The following MRPS21 variants were observed in gnomAD, a reference collection of about 807,000 sequenced individuals.
MRPS21 encodes the protein small ribosomal subunit protein bS21m.
In MRPS21, 8 loss-of-function variants were observed where a neutral mutation model predicts 9.9. The ratio of observed to expected loss-of-function variants is 0.81; its 90% CI spans 0.47 to 1.45. MRPS21 has a LOEUF of 1.45. Ranked by LOEUF, MRPS21 falls within the 40% of genes most tolerant of loss-of-function variation. The pLI, the probability that MRPS21 is intolerant of heterozygous loss-of-function variation, is 0.00. For missense variants in MRPS21, 101 were observed against 118.9 expected (o/e 0.85, Z 0.70); for synonymous variants, 40 against 40.3 (o/e 0.99, Z 0.03).
chr1:150,297,303 G>GAA (rs1200334247), intron 2 of MRPS21, among the ~76,000 whole-genome samples: 1 of 150,392 alleles, frequency 6.6e-6, no homozygotes, highest in Admixed American at 6.6e-5. Context: ...AAAAAAAAAA[G>GAA]AAAAAATGCT....
chr1:150,299,971 G>A (rs1337878354), intron 2 of MRPS21, among the ~76,000 whole-genome samples: 2 of 152,100 alleles, frequency 1.3e-5, no homozygotes, highest in Non-Finnish European at 2.9e-5. Flanking sequence ...AGAATCTCCA[G>A]GGGTTGCAAC....
chr1:150,295,350 C>T (rs944033312), intron 2 of MRPS21, among the ~76,000 whole-genome samples: 1 of 152,152 alleles, frequency 6.6e-6, no homozygotes, highest in Non-Finnish European at 1.5e-5. Flanking sequence ...AATCCTCCTG[C>T]CTCAGTCTCC....
Position 150,308,145 on chromosome 1 carries a change from C to G in MRPS21, c.181C>G (p.Arg61Gly). The change falls in exon 3 of 3, where the codon CGG (arginine) becomes GGG (glycine). Residue 61 changes from arginine (R) to glycine (G), a missense_variant. Physicochemically the swap from Arg to Gly is moderately radical, Grantham distance 125. Transcript: ENST00000614145. Reference sequence around the variant, plus strand: ...ACAGAGGGAAAGCTATGAAAGGTGCCGGCGGATCTACAACATGGAAATGGC... The same window carrying G: ...ACAGAGGGAAAGCTATGAAAGGTGCGGGCGGATCTACAACATGGAAATGGC... ...RRQRESYERC[R>G]RIYNMEMARK... The G allele has an allele frequency of 1.9e-6, 3 of 1,610,160 alleles. No homozygotes were observed. The highest frequency in any genetic ancestry group is 1.7e-6 in the Non-Finnish European group (2 of 1,176,666).
intron 2 of MRPS21, among the ~76,000 whole-genome samples, chr1:150,297,909 A>G (rs1420544275): frequency 1.3e-5 from 2 of 149,420 alleles, no homozygotes; most frequent in Non-Finnish European, 3.0e-5. Flanking sequence ...CTCTGGCCCT[A>G]CTTTGCTATC....
intron 2 of MRPS21, among the ~76,000 whole-genome samples, chr1:150,298,934 G>A (rs587713978): frequency 2.0e-5 from 3 of 152,266 alleles, no homozygotes; most frequent in Non-Finnish European, 2.9e-5. Context: ...AGAGAGTAGC[G>A]GCTGGGTGCA....
Position 150,308,323 on chromosome 1 carries a change from C to A in MRPS21, c.*95C>A. On this transcript the variant is annotated 3_prime_UTR_variant, in exon 3 of 3. Coordinates refer to ENST00000614145, the MANE Select transcript of MRPS21 (RefSeq NM_031901.6). ...TCCCATTTCCTATTACCATTCTCTG[C>A]AATAAACTCAAATCACATGTCTGCA... 2 of 1,280,984 alleles carry A rather than the reference C, an allele frequency of 1.6e-6. No individual in the cohort carries two copies. Among genetic ancestry groups the A allele is most frequent in the Non-Finnish European group, 2.1e-6 (2 of 941,708 alleles). The allele number at this position is 1,280,984 out of a possible 1,614,324, so 79.4% of individuals were successfully genotyped here.
At chr1:150,296,038 G>A (rs11811885) in intron 2 of MRPS21, among the ~76,000 whole-genome samples, 64,210 of 150,300 alleles carry the variant, frequency 0.43, 14,117 homozygotes, top group East Asian at 0.7. Flanking sequence ...TGCAGCCTCC[G>A]CCTCCTGGGT....
At chr1:150,302,597 T>G (rs185167998) in intron 2 of MRPS21, among the ~76,000 whole-genome samples, 2 of 152,290 alleles carry the variant, frequency 1.3e-5, no homozygotes, top group Admixed American at 1.3e-4. Context: ...TGAATTTCAC[T>G]AAAACTGGCA....
chr1:150,295,805 A>G (rs1210127128), intron 2 of MRPS21, among the ~76,000 whole-genome samples: 1 of 151,934 alleles, frequency 6.6e-6, no homozygotes, highest in African/African-American at 2.4e-5. Context: ...AAAAAGAAAG[A>G]TGGGAAAGCT....
chr1:150,297,105 C>CA (rs1312510239), intron 2 of MRPS21, among the ~76,000 whole-genome samples: 1 of 150,966 alleles, frequency 6.6e-6, no homozygotes, highest in African/African-American at 2.4e-5. Flanking sequence ...TCCTGGCTAA[C>CA]ACGGTGAAAC....
chr1:150,301,634 T>TA (rs1176905564), intron 2 of MRPS21, among the ~76,000 whole-genome samples: 1 of 151,480 alleles, frequency 6.6e-6, no homozygotes, highest in Non-Finnish European at 1.5e-5. Context: ...CTTTTTTTTT[T>TA]AATACGGAGT....
chr1:150,294,584 C>T lies in MRPS21; in HGVS notation c.83+135C>T, dbSNP rs1159352172. The stretch of plus-strand genomic sequence containing the variant: ...TCACAGTCTCTTAAAACGTCTCAGC[C>T]CCTCAGTTTATTATCTTAAAAATGA... On this transcript the variant is annotated intron_variant, in intron 2 of 2. Coordinates refer to ENST00000614145, the MANE Select transcript of MRPS21 (RefSeq NM_031901.6). The T allele has an allele frequency of 8.1e-6, 6 of 744,428 alleles. No homozygotes were observed. In the African/African-American group the frequency reaches 8.9e-5, roughly 11 times the overall value. 46.1% of individuals were successfully genotyped at this position (744,428 alleles called of 1,614,324 possible).
At chr1:150,306,417 C>T (rs1654333527) in intron 2 of MRPS21, among the ~76,000 whole-genome samples, 1 of 151,596 alleles carries the variant, frequency 6.6e-6, no homozygotes, top group Non-Finnish European at 1.5e-5. Flanking sequence ...AGGTGCCCAC[C>T]ACTACGCCTG....
At position 150,301,632 on chromosome 1, in the gene MRPS21, T is replaced by TA. The variant is rs1268408846; in HGVS notation, c.84-6416_84-6415insA. Among the ~76,000 whole-genome samples the TA allele has an allele frequency of 2.0e-5, 3 of 151,568 alleles. No individual in the cohort carries two copies. In the East Asian group the frequency reaches 5.8e-4, roughly 30 times the overall value. ...AATTTTCTTTTTCCTTTCTTTTTTT[T>TA]TTAATACGGAGTCTCTCTCTGTTGC... On this transcript the variant is annotated intron_variant, in intron 2 of 2. Transcript: ENST00000614145.
In MRPS21 at chr1:150,294,519, C is replaced by G. The variant is rs782367586; in HGVS notation, c.83+70C>G. On this transcript the variant is annotated intron_variant, in intron 2 of 2. Coordinates refer to ENST00000614145, the MANE Select transcript of MRPS21 (RefSeq NM_031901.6). The stretch of plus-strand genomic sequence containing the variant: ...TGCGGTGGTTATTCTCTCCCTTCCC[C>G]TTTCGTTGATTGTTCTCAAAACAGT... 26 of 1,308,750 alleles carry G rather than the reference C, an allele frequency of 2.0e-5. No individual in the cohort carries two copies. The Admixed American group carries it at 3.7e-4, about 19-fold the overall frequency. 81.1% of individuals were successfully genotyped at this position (1,308,750 alleles called of 1,614,324 possible).
chr1:150,298,224 C>T (rs1553856920), intron 2 of MRPS21, among the ~76,000 whole-genome samples: 1 of 152,114 alleles, frequency 6.6e-6, no homozygotes, highest in African/African-American at 2.4e-5. Flanking sequence ...TGAGCCACTG[C>T]ACCTGGCCTA....
intron 2 of MRPS21, among the ~76,000 whole-genome samples, chr1:150,294,966 C>T (rs970470455): frequency 2.6e-5 from 4 of 150,982 alleles, no homozygotes; most frequent in African/African-American, 7.3e-5. Context: ...AATCACCCCC[C>T]GCACCTCCCC....
intron 2 of MRPS21, among the ~76,000 whole-genome samples, chr1:150,305,600 T>A (rs1654300354): frequency 6.6e-6 from 1 of 152,110 alleles, no homozygotes; most frequent in Admixed American, 6.6e-5. Flanking sequence ...GCACGTGTTT[T>A]GTTTTTGTTT....
At position 150,301,250 on chromosome 1, in the gene MRPS21, A is replaced by G. The variant is rs1010414890; in HGVS notation, c.84-6798A>G. Reference sequence around the variant, plus strand: ...CTCGGGAGGCTGAGGCAGGAGAATGACGTGAACCCGGGAGGCGGAGCTTGC... The same window carrying G: ...CTCGGGAGGCTGAGGCAGGAGAATGGCGTGAACCCGGGAGGCGGAGCTTGC... On this transcript the variant is annotated intron_variant, in intron 2 of 2. Transcript: ENST00000614145. 12 of 194,304 alleles carry G rather than the reference A, an allele frequency of 6.2e-5. No individual in the cohort carries two copies. The East Asian group carries it at 1.7e-3, about 27-fold the overall frequency. The allele number at this position is 194,304 out of a possible 1,614,324, so 12.0% of individuals were successfully genotyped here. A position where few individuals can be genotyped will look rare whatever the true frequency, so the allele number is the denominator to read the frequency against.
Sources: allele counts gnomAD v4.1 joint callset (sites outside exome capture counted in the v4.1 genomes callset), GRCh38; gene constraint gnomAD v4.1.1; transcripts MANE v1.5; gene names NCBI Gene and HGNC (gene_info 2026-07-23, HGNC 2026-07-21).